DENND1B: variants seen among roughly 807,000 people sequenced by gnomAD.
The protein encoded by DENND1B is DENN domain containing 1B.
In DENND1B, 59 loss-of-function variants were observed where a neutral mutation model predicts 90.1. The observed-to-expected ratio is 0.65, with a 90% CI of 0.53 to 0.81. DENND1B has a LOEUF of 0.81. DENND1B is among the 40% of genes least tolerant of loss of function. The pLI is 0.00. For missense variants in DENND1B, 862 were observed against 912.6 expected (o/e 0.94, Z 0.71); for synonymous variants, 337 against 324.6 (o/e 1.04, Z -0.41).
rs1680798534 is a variant in DENND1B, at chr1:197,647,199, C to T, written c.448-85G>A. 7 of 843,828 alleles carry T rather than the reference C, an allele frequency of 8.3e-6. No homozygotes were observed. In the South Asian group the frequency reaches 1.3e-4, roughly 16 times the overall value. The allele number at this position is 843,828 out of a possible 1,614,324, so 52.3% of individuals were successfully genotyped here. ...CAATTTGCTGTGTAATTGAGACAAACCCATGTAGCCAAGTTAGCCACTAAA... is the reference window on the plus strand; with the variant it reads ...CAATTTGCTGTGTAATTGAGACAAATCCATGTAGCCAAGTTAGCCACTAAA... On this transcript the variant is annotated intron_variant, in intron 7 of 22. Transcript: ENST00000620048.
At chr1:197,512,989 A>G in intron 20 of DENND1B, 36 bp from the exon 21 acceptor site, 7 of 1,556,470 alleles carry the variant, frequency 4.5e-6, no homozygotes, top group Non-Finnish European at 6.1e-6. Flanking sequence ...TGGCATTAGC[A>G]GTTTAAAATA....
chr1:197,623,198 C>G (rs1411437793), intron 10 of DENND1B, among the ~76,000 whole-genome samples: 1 of 151,148 alleles, frequency 6.6e-6, no homozygotes, highest in Admixed American at 6.6e-5. Flanking sequence ...TAATAAAATC[C>G]AAGAAACATG....
intron 10 of DENND1B, among the ~76,000 whole-genome samples, chr1:197,625,229 G>A (rs935379197): frequency 1.3e-5 from 2 of 152,060 alleles, no homozygotes; most frequent in Non-Finnish European, 2.9e-5. Context: ...CACCAAAGTT[G>A]AAATGAAGGA....
chr1:197,717,883 G>A (rs923355210), intron 2 of DENND1B, among the ~76,000 whole-genome samples: 13 of 151,992 alleles, frequency 8.6e-5, no homozygotes, highest in African/African-American at 3.1e-4. Flanking sequence ...TTAATTCTGT[G>A]GAATTCAAAG....
At chr1:197,770,309 A>G (rs891573194) in intron 2 of DENND1B, among the ~76,000 whole-genome samples, 5 of 152,156 alleles carry the variant, frequency 3.3e-5, no homozygotes, top group African/African-American at 1.2e-4. Context: ...ATGTTTCTAA[A>G]AAGTAGTGAT....
intron 3 of DENND1B, among the ~76,000 whole-genome samples, chr1:197,678,377 G>A (rs548598547): frequency 1.4e-4 from 21 of 152,100 alleles, no homozygotes; most frequent in African/African-American, 4.6e-4. Flanking sequence ...AACACTTTCA[G>A]AATCATTTTG....
intron 5 of DENND1B, among the ~76,000 whole-genome samples, chr1:197,669,834 A>C (rs1196120028): frequency 2.0e-5 from 3 of 152,106 alleles, no homozygotes; most frequent in Non-Finnish European, 2.9e-5. Flanking sequence ...TAAAATATTC[A>C]ATAATACTGT....
At position 197,677,161 on chromosome 1, in the gene DENND1B, T is replaced by A. The variant is rs1172773990; in HGVS notation, c.127-2992A>T. ...GTTTTTCCTCCTTCTCAACCACTTT[T>A]GTCCTCCACTGTACACTGAAATTTC... On this transcript the variant is annotated intron_variant, in intron 3 of 22. Coordinates refer to ENST00000620048, the MANE Select transcript of DENND1B (RefSeq NM_001195215.2). Among the ~76,000 whole-genome samples, 3 of 152,120 alleles carry A rather than the reference T, an allele frequency of 2.0e-5. No homozygotes were observed. The East Asian group carries it at 5.8e-4, about 29-fold the overall frequency.
At chr1:197,621,720 G>A (rs1413821180) in intron 10 of DENND1B, among the ~76,000 whole-genome samples, 3 of 151,138 alleles carry the variant, frequency 2.0e-5, no homozygotes, top group South Asian at 2.1e-4. Flanking sequence ...TGTTCCTCAC[G>A]AAAGCAGAGA....
intron 1 of DENND1B, among the ~76,000 whole-genome samples, 189 bp downstream of exon 1, chr1:197,774,950 G>A (rs1411127102): frequency 6.6e-6 from 1 of 152,108 alleles, no homozygotes; most frequent in African/African-American, 2.4e-5. Context: ...GGGCGGGCAG[G>A]CTTTGCGGCC....
intron 12 of DENND1B, among the ~76,000 whole-genome samples, chr1:197,610,905 T>C (rs1418709295): frequency 2.0e-5 from 3 of 150,860 alleles, no homozygotes; most frequent in African/African-American, 4.8e-5. Context: ...AAATAAAAAA[T>C]GTTGCCCTAG....
chr1:197,644,201 GA>G (rs1680531717), intron 9 of DENND1B, among the ~76,000 whole-genome samples: 1 of 152,126 alleles, frequency 6.6e-6, no homozygotes, highest in Non-Finnish European at 1.5e-5. Context: ...TAATCTAAAA[GA>G]AAGGTAATTT....
intron 3 of DENND1B, among the ~76,000 whole-genome samples, chr1:197,705,970 C>T (rs886498339): frequency 5.3e-5 from 8 of 150,050 alleles, no homozygotes; most frequent in East Asian, 4.0e-4. Context: ...ATATTTATCA[C>T]GCCCATTTAT....
Position 197,510,769 on chromosome 1 carries a change from A to G in DENND1B, c.2019T>C (p.Gly673=). The G allele has an allele frequency of 1.9e-6, 3 of 1,612,540 alleles. No individual in the cohort carries two copies. The highest frequency in any genetic ancestry group is 2.5e-6 in the Non-Finnish European group (3 of 1,179,116). The part of the protein sequence containing the change: ...LKEENSNKHL[G]ADNVSDPTSG... ...AAGTAGGGTCACTCACATTGTCAGC[A>G]CCGAGGTGCTTGTTACTGTTTTCCT... Residue 673 remains glycine (G), a synonymous_variant, in exon 23 of 23, where the codon GGT becomes GGC. Transcript: ENST00000620048.
intron 11 of DENND1B, among the ~76,000 whole-genome samples, chr1:197,614,294 G>C (rs1201600294): frequency 6.6e-6 from 1 of 150,906 alleles, no homozygotes; most frequent in Non-Finnish European, 1.5e-5. Flanking sequence ...ACAGATGTTA[G>C]AACTGTAAAC....
At chr1:197,567,727 C>T (rs1194291469) in intron 15 of DENND1B, among the ~76,000 whole-genome samples, 1 of 152,088 alleles carries the variant, frequency 6.6e-6, no homozygotes, top group Non-Finnish European at 1.5e-5. Flanking sequence ...ATGATCACAT[C>T]AACAGATGCA....
intron 20 of DENND1B, among the ~76,000 whole-genome samples, chr1:197,527,101 A>T (rs977254956): frequency 1.3e-5 from 2 of 152,166 alleles, no homozygotes; most frequent in African/African-American, 4.8e-5. Context: ...CAATATGGAG[A>T]GTGTATTTTT....
In DENND1B at chr1:197,510,661, C is replaced by A. The variant is rs533807734; in HGVS notation, c.2127G>T (p.Gln709His). 1 of 1,612,800 alleles carries A rather than the reference C, an allele frequency of 6.2e-7. No homozygotes were observed. Among genetic ancestry groups the A allele is most frequent in the Non-Finnish European group, 8.5e-7 (1 of 1,179,234 alleles). ...GKTEKRETLS[Q>H]ISDDLLIPGL... The stretch of plus-strand genomic sequence containing the variant: ...CGGGTATAAGCAGATCATCTGAAAT[C>A]TGGCTTAGTGTTTCCCTCTTTTCTG... Residue 709 changes from glutamine to histidine, a missense_variant, in exon 23 of 23, where the codon CAG becomes CAT. Coordinates refer to ENST00000620048, the MANE Select transcript of DENND1B (RefSeq NM_001195215.2).
intron 4 of DENND1B, among the ~76,000 whole-genome samples, chr1:197,672,663 C>T (rs1440886522): frequency 1.3e-5 from 2 of 151,888 alleles, no homozygotes; most frequent in South Asian, 2.1e-4. Flanking sequence ...ACAAAAATAC[C>T]CTTGTTATAT....
Sources: allele counts gnomAD v4.1 joint callset (sites outside exome capture counted in the v4.1 genomes callset), GRCh38; gene constraint gnomAD v4.1.1; transcripts MANE v1.5; gene names NCBI Gene and HGNC (gene_info 2026-07-23, HGNC 2026-07-21).